Variants in SGSM1 observed in about 807,000 individuals in gnomAD.
SGSM1 encodes the protein small G protein signaling modulator 1, also known as RUN and TBC1 domain containing 2.
Under a neutral mutation model 133.8 loss-of-function variants are expected in SGSM1, and 73 were observed. That is an observed-to-expected ratio of 0.55 (90% CI 0.45 to 0.66). The LOEUF (loss-of-function observed/expected upper bound fraction) is 0.66. Ranked by LOEUF, SGSM1 falls within the 30% of genes least tolerant of loss-of-function variation. SGSM1 has a pLI of 0.00. For synonymous variants in SGSM1, 563 were observed against 573.0 expected (o/e 0.98, Z 0.25); for missense variants, 1,213 against 1,448.1 (o/e 0.84, Z 2.64).
intron 22 of SGSM1, 117 bp from the exon 23 acceptor site, chr22:24,917,539 TAA>T: frequency 1.7e-6 from 1 of 588,328 alleles, no homozygotes; most frequent in Non-Finnish European, 2.9e-6. Context: ...TTTTAAACTG[TAA>T]CTGGCTGTTA....
At chr22:24,874,647 G>A (rs1480808398) in intron 12 of SGSM1, 4 of 1,489,782 alleles carry the variant, frequency 2.7e-6, no homozygotes, top group Non-Finnish European at 3.6e-6. Context: ...TGTCATTTGA[G>A]TTCTGGTCCC....
intron 2 of SGSM1, chr22:24,813,672 T>G (rs944848668): frequency 6.6e-6 from 1 of 152,230 alleles, no homozygotes; most frequent in Non-Finnish European, 1.5e-5. Context: ...TTTGATGCTT[T>G]TTCAGGTCTC....
intron 5 of SGSM1, among the ~76,000 whole-genome samples, chr22:24,850,729 T>G (rs1218561376): frequency 6.6e-6 from 1 of 152,196 alleles, no homozygotes; most frequent in Non-Finnish European, 1.5e-5. Flanking sequence ...GTTATCTCTT[T>G]TGGTAAATGG....
At chr22:24,923,718 G>C (rs1161851932) in intron 24 of SGSM1, among the ~76,000 whole-genome samples, 1 of 152,148 alleles carries the variant, frequency 6.6e-6, no homozygotes, top group Non-Finnish European at 1.5e-5. Flanking sequence ...CGCCTCCTGG[G>C]TTCAAGCGAT....
intron 9 of SGSM1, among the ~76,000 whole-genome samples, chr22:24,865,960 G>A (rs1931432379): frequency 6.6e-6 from 1 of 152,194 alleles, no homozygotes; most frequent in African/African-American, 2.4e-5. Context: ...ACGGAAGCCT[G>A]GCTTTGGTGC....
At chr22:24,902,390 T>C (rs147076424) in intron 20 of SGSM1, among the ~76,000 whole-genome samples, 1 of 152,312 alleles carries the variant, frequency 6.6e-6, no homozygotes, top group Non-Finnish European at 1.5e-5. Flanking sequence ...AAAGATATTA[T>C]TCCTGTAATC....
intron 24 of SGSM1, among the ~76,000 whole-genome samples, chr22:24,923,975 G>A (rs917017076): frequency 2.6e-5 from 4 of 152,018 alleles, no homozygotes; most frequent in Non-Finnish European, 5.9e-5. Flanking sequence ...CATTCAATCC[G>A]CACAGTAACT....
chr22:24,807,100 A>G (rs1927446231), intron 2 of SGSM1, among the ~76,000 whole-genome samples: 1 of 151,878 alleles, frequency 6.6e-6, no homozygotes, highest in Non-Finnish European at 1.5e-5. Context: ...TGAGAATCAG[A>G]GAGGTTCTGC....
Position 24,867,156 on chromosome 22 carries a change from G to A in SGSM1, c.990G>A (p.Gln330=), listed in dbSNP as rs5996779. The part of the protein sequence containing the change: ...LEEIVYLHCH[Q]QVDSGGTVVL... ...AGATTGTCTACCTGCACTGCCACCA[G>A]CAAGGTAGGGACTGTGGGGACAGGA... The change falls in exon 10 of 25, where the codon CAG becomes CAA. Residue 330 remains glutamine (Q), a synonymous_variant. Coordinates refer to ENST00000400358, the MANE Select transcript of SGSM1 (RefSeq NM_001098497.3). The A allele has an allele frequency of 6.5e-3, 10,423 of 1,613,690 alleles. 560 individuals are homozygous for A. In the African/African-American group the frequency reaches 0.12, roughly 18 times the overall value.
At chr22:24,915,300 T>C (rs1442141079) in intron 22 of SGSM1, among the ~76,000 whole-genome samples, 1 of 152,252 alleles carries the variant, frequency 6.6e-6, no homozygotes, top group African/African-American at 2.4e-5. Flanking sequence ...CCCTGCTGCA[T>C]GCACGCAACA....
At chr22:24,840,834 A>G (rs541664888) in intron 2 of SGSM1, among the ~76,000 whole-genome samples, 1 of 151,598 alleles carries the variant, frequency 6.6e-6, no homozygotes, top group South Asian at 2.1e-4. Context: ...TTTATTGGCC[A>G]TGTTGTGTTT....
intron 12 of SGSM1, chr22:24,874,719 G>A: frequency 1.7e-6 from 2 of 1,167,794 alleles, no homozygotes; most frequent in Non-Finnish European, 2.3e-6. Flanking sequence ...CTGCTGTCCA[G>A]CCTCCACTCT....
chr22:24,859,471 TG>T, intron 8 of SGSM1: 1 of 547,364 alleles, frequency 1.8e-6, no homozygotes, highest in South Asian at 1.7e-5. Flanking sequence ...AGTGTGAAAG[TG>T]ATGGGGGTGG....
chr22:24,897,978 G>A lies in SGSM1; in HGVS notation c.2029G>A (p.Glu677Lys). Residue 677 changes from glutamate (E) to lysine (K), a missense_variant, in exon 19 of 25, where the codon GAG becomes AAG. Physicochemically the swap from Glu to Lys is moderately conservative, Grantham distance 56 (BLOSUM62 1). Transcript: ENST00000400358. Reference protein sequence around the residue: ...SDSSSSTQVFESVDEVEQVEA... With the variant: ...SDSSSSTQVFKSVDEVEQVEA... Reference sequence around the variant, plus strand: ...TTGTGCACCTTGTCCTCAGGTGTTTGAGTCTGTGGATGAGGTGGAGCAGGT... The same window carrying A: ...TTGTGCACCTTGTCCTCAGGTGTTTAAGTCTGTGGATGAGGTGGAGCAGGT... 6.3e-7 allele frequency: 1 copy of A among 1,594,900 alleles called. No homozygotes were observed. Among genetic ancestry groups the A allele is most frequent in the Non-Finnish European group, 8.5e-7 (1 of 1,170,638 alleles).
chr22:24,854,386 T>C (rs1392038534), intron 5 of SGSM1, among the ~76,000 whole-genome samples: 1 of 152,116 alleles, frequency 6.6e-6, no homozygotes, highest in East Asian at 1.9e-4. Flanking sequence ...GCAGATAGAG[T>C]CAGCCAGGCC....
At chr22:24,867,185 G>T (rs771945853) in intron 10 of SGSM1, 25 bp downstream of exon 10, 1 of 1,610,300 alleles carries the variant, frequency 6.2e-7, no homozygotes, top group Non-Finnish European at 8.5e-7. Context: ...GACAGGAGGG[G>T]TCTGCGTATT....
intron 16 of SGSM1, among the ~76,000 whole-genome samples, chr22:24,888,760 T>C (rs1340895451): frequency 2.0e-5 from 3 of 151,738 alleles, no homozygotes; most frequent in African/African-American, 7.3e-5. Context: ...GCATGGGCAA[T>C]AGAGCAAGAC....
At chr22:24,898,851 A>C (rs139733) in intron 19 of SGSM1, among the ~76,000 whole-genome samples, 55,404 of 151,444 alleles carry the variant, frequency 0.37, 11,266 homozygotes, top group African/African-American at 0.55. Context: ...CATGGTGAAA[A>C]CCTGTCTCTA....
At chr22:24,832,568 A>G (rs1418655748) in intron 2 of SGSM1, among the ~76,000 whole-genome samples, 1 of 152,340 alleles carries the variant, frequency 6.6e-6, no homozygotes, top group East Asian at 1.9e-4. Flanking sequence ...TAATGAGCGA[A>G]TAATACAGAT....
Sources: gnomAD v4.1 joint callset for allele counts (sites outside exome capture counted in the v4.1 genomes callset) on GRCh38, gnomAD v4.1.1 for gene constraint, MANE v1.5 for transcripts, NCBI Gene and HGNC (gene_info 2026-07-23, HGNC 2026-07-21) for gene names.